The following ISM1 variants were observed in gnomAD, a reference collection of about 807,000 sequenced individuals.
ISM1 encodes the protein isthmin 1, also known as isthmin-1.
In ISM1, 25 loss-of-function variants were observed where a neutral mutation model predicts 46.3. The ratio of observed to expected loss-of-function variants is 0.54; its 90% CI spans 0.39 to 0.75. The LOEUF (loss-of-function observed/expected upper bound fraction) is 0.75, where lower values mean the gene tolerates loss of function less well. Among genes scored for constraint, ISM1 ranks in the 30% least tolerant of loss-of-function variants. ISM1 has a pLI of 0.00. For synonymous variants in ISM1, 255 were observed against 256.7 expected, an observed-to-expected ratio of 0.99 and a Z score of 0.06; for missense variants, 536 against 625.4, an observed-to-expected ratio of 0.86 and a Z score of 1.52.
At chr20:13,260,070 C>T (rs1354649759) in intron 1 of ISM1, among the ~76,000 whole-genome samples, 1 of 152,162 alleles carries the variant, frequency 6.6e-6, no homozygotes, top group African/African-American at 2.4e-5. Flanking sequence ...CATCAGCTGC[C>T]AGTTTTCCAA....
rs114639917 is a variant in ISM1, at chr20:13,294,761, G to A, written c.877+2298G>A. On this transcript the variant is annotated intron_variant, in intron 5 of 5. Coordinates refer to ENST00000262487, the MANE Select transcript of ISM1 (RefSeq NM_080826.2). ...AGCCTATCCCAGCTGGCAGCACCTC[G>A]ACACTCTTGGGTGCACCCTCTAGGT... is the stretch of plus-strand genomic sequence containing the variant. Among the ~76,000 whole-genome samples the A allele has an allele frequency of 6.5e-3, 990 of 152,288 alleles. 11 individuals are homozygous for A. Among genetic ancestry groups the A allele is most frequent in the African/African-American group, 0.023 (940 of 41,554 alleles).
the ISM1 span, among the ~76,000 whole-genome samples, chr20:13,316,134 T>C: frequency 6.6e-6 from 1 of 151,826 alleles, no homozygotes; most frequent in Non-Finnish European, 1.5e-5. Context: ...ATCATGGACA[T>C]TAAAAGGATA....
At chr20:13,315,450 C>T in the ISM1 span, among the ~76,000 whole-genome samples, 9 of 152,012 alleles carry the variant, frequency 5.9e-5, no homozygotes, top group East Asian at 3.9e-4. Context: ...CGAGTTGTTA[C>T]GTGATGATAA....
the ISM1 span, among the ~76,000 whole-genome samples, chr20:13,319,029 T>C: frequency 2.6e-5 from 4 of 152,168 alleles, no homozygotes; most frequent in Non-Finnish European, 4.4e-5. Context: ...TGGGTGATAA[T>C]GATGTGTCAA....
chr20:13,319,833 G>A, the ISM1 span, among the ~76,000 whole-genome samples: 2 of 152,354 alleles, frequency 1.3e-5, no homozygotes, highest in African/African-American at 4.8e-5. Flanking sequence ...GGCACCTGGT[G>A]TGGAGCTGTG....
In ISM1 at chr20:13,260,249, G is replaced by T. The variant is rs149033807; in HGVS notation, c.139-10255G>T. On this transcript the variant is annotated intron_variant, in intron 1 of 5. Coordinates refer to ENST00000262487, the MANE Select transcript of ISM1 (RefSeq NM_080826.2). ...TATAATTGTTTTACAGTGTCGGGGG[G>T]TCCTGTTAATAAATGGGCATTACTA... Among the ~76,000 whole-genome samples the T allele has an allele frequency of 2.4e-3, 366 of 152,298 alleles. 1 individual carries two copies. The highest frequency in any genetic ancestry group is 3.4e-3 in the Middle Eastern group (1 of 294).
At chr20:13,249,159 A>G (rs979275031) in intron 1 of ISM1, among the ~76,000 whole-genome samples, 2 of 152,186 alleles carry the variant, frequency 1.3e-5, no homozygotes, top group Admixed American at 6.5e-5. Flanking sequence ...GGACACAAAG[A>G]TCTGGGGGGA....
intron 2 of ISM1, among the ~76,000 whole-genome samples, chr20:13,278,015 C>T (rs1026939127): frequency 6.6e-6 from 1 of 152,208 alleles, no homozygotes; most frequent in Non-Finnish European, 1.5e-5. Flanking sequence ...ATCTCAGCAA[C>T]TCTATCAGAT....
At chr20:13,268,298 CTTCTCTTCTCTT>C (rs1441687721) in intron 1 of ISM1, among the ~76,000 whole-genome samples, 2 of 146,158 alleles carry the variant, frequency 1.4e-5, no homozygotes, top group Non-Finnish European at 3.0e-5. Flanking sequence ...TCTTCTCTTC[CTTCTCTTCTCTT>C]TTCTCTTCTC....
At chr20:13,251,308 T>TA (rs1375232903) in intron 1 of ISM1, among the ~76,000 whole-genome samples, 1 of 152,234 alleles carries the variant, frequency 6.6e-6, no homozygotes, top group Non-Finnish European at 1.5e-5. Flanking sequence ...GCTTTTATTG[T>TA]AAAAATGTTT....
chr20:13,221,998 C>G (rs991999853), intron 1 of ISM1, 84 bp downstream of exon 1: 1 of 1,193,104 alleles, frequency 8.4e-7, no homozygotes, highest in African/African-American at 1.6e-5. Flanking sequence ...CGGGTGGATG[C>G]AGGGAGGCAG....
At chr20:13,277,169 T>C (rs967904056) in intron 2 of ISM1, among the ~76,000 whole-genome samples, 1 of 152,152 alleles carries the variant, frequency 6.6e-6, no homozygotes, top group African/African-American at 2.4e-5. Context: ...TTGACGGTAA[T>C]AGCTTGAAAC....
At chr20:13,303,552 T>C (rs997615403), downstream of ISM1, among the ~76,000 whole-genome samples, 1 of 152,174 alleles carries the variant, frequency 6.6e-6, no homozygotes, top group Non-Finnish European at 1.5e-5. Flanking sequence ...CCTTCCTACA[T>C]GCCCAGGTTC....
At chr20:13,311,216 T>TAGATA in the ISM1 span, among the ~76,000 whole-genome samples, 1 of 133,206 alleles carries the variant, frequency 7.5e-6, no homozygotes, top group African/African-American at 2.9e-5. Context: ...TATAGATAGA[T>TAGATA]GATAGATAGA....
At chr20:13,321,251 C>CAGAAAAAAAAAAAAAAAAA in the ISM1 span, among the ~76,000 whole-genome samples, 1 of 23,696 alleles carries the variant, frequency 4.2e-5, no homozygotes, top group Non-Finnish European at 7.1e-5. Context: ...ATGTGCCCCA[C>CAGAAAAAAAAAAAAAAAAA]ATAAAAAAAA....
intron 2 of ISM1, among the ~76,000 whole-genome samples, chr20:13,271,176 T>A (rs1407007734): frequency 6.6e-6 from 1 of 152,232 alleles, no homozygotes; most frequent in East Asian, 1.9e-4. Context: ...TTCAAAGCAC[T>A]CAGGAAAGCT....
At chr20:13,271,508 C>T (rs1209396918) in intron 2 of ISM1, among the ~76,000 whole-genome samples, 28 of 152,166 alleles carry the variant, frequency 1.8e-4, no homozygotes, top group Admixed American at 1.5e-3. Context: ...AGACAAAGCC[C>T]GTGTCATTTT....
intron 1 of ISM1, among the ~76,000 whole-genome samples, chr20:13,223,490 A>G (rs1442965749): frequency 6.6e-6 from 1 of 152,230 alleles, no homozygotes; most frequent in Non-Finnish European, 1.5e-5. Flanking sequence ...AAACTTGTCA[A>G]AGTTCAGACA....
At chr20:13,311,216 TGATAGATAGATA>T in the ISM1 span, among the ~76,000 whole-genome samples, 2 of 133,206 alleles carry the variant, frequency 1.5e-5, no homozygotes, top group South Asian at 4.9e-4. Flanking sequence ...TATAGATAGA[TGATAGATAGATA>T]GATAGATAGA....
Sources: gnomAD v4.1 joint callset for allele counts (sites outside exome capture counted in the v4.1 genomes callset) on GRCh38, gnomAD v4.1.1 for gene constraint, MANE v1.5 for transcripts, NCBI Gene and HGNC (gene_info 2026-07-23, HGNC 2026-07-21) for gene names.